NCOA1: variants seen among roughly 807,000 people sequenced by gnomAD.
NCOA1 encodes the protein Hin-2 protein.
In NCOA1, 35 loss-of-function variants were observed where a neutral mutation model predicts 150.9. The observed-to-expected ratio is 0.23, with a 90% CI of 0.18 to 0.31. The LOEUF (loss-of-function observed/expected upper bound fraction) is 0.31, where lower values mean the gene tolerates loss of function less well. Ranked by LOEUF, NCOA1 falls within the 10% of genes least tolerant of loss-of-function variation. NCOA1 has a pLI of 1.00. For synonymous variants in NCOA1, 590 were observed against 630.0 expected (o/e 0.94, Z 0.95); for missense variants, 1,491 against 1,749.3 (o/e 0.85, Z 2.63).
intron 1 of NCOA1, among the ~76,000 whole-genome samples, chr2:24,493,943 G>A (rs922607274): frequency 3.9e-5 from 6 of 152,192 alleles, no homozygotes; most frequent in African/African-American, 1.4e-4. Context: ...CTTTTGGTGG[G>A]CAGAAGATTG....
intron 6 of NCOA1, among the ~76,000 whole-genome samples, chr2:24,673,005 A>C (rs1341962280): frequency 6.6e-6 from 1 of 152,234 alleles, no homozygotes; most frequent in Non-Finnish European, 1.5e-5. Context: ...AAAAAGAAAG[A>C]GAAAACTTGA....
At chr2:24,663,068 T>C (rs1199532118) in intron 5 of NCOA1, among the ~76,000 whole-genome samples, 5 of 152,124 alleles carry the variant, frequency 3.3e-5, no homozygotes, top group Non-Finnish European at 1.5e-5. Context: ...GTTCTGGGAT[T>C]ACAGATGCGA....
At chr2:24,597,358 G>T (rs1354004431) in intron 3 of NCOA1, among the ~76,000 whole-genome samples, 1 of 152,150 alleles carries the variant, frequency 6.6e-6, no homozygotes. Flanking sequence ...TTTTTTAAAT[G>T]AATGAATCAA....
At chr2:24,735,529 T>A (rs535749658) in intron 17 of NCOA1, among the ~76,000 whole-genome samples, 45 of 151,920 alleles carry the variant, frequency 3.0e-4, no homozygotes, top group East Asian at 2.5e-3. Flanking sequence ...GTTGAAAAAA[T>A]ATATATATAT....
At chr2:24,684,614 T>A (rs893983072) in intron 8 of NCOA1, among the ~76,000 whole-genome samples, 2 of 152,250 alleles carry the variant, frequency 1.3e-5, no homozygotes, top group African/African-American at 4.8e-5. Flanking sequence ...TGAGCAGCCT[T>A]TCACAATAGG....
At chr2:24,566,531 G>A (rs1322370339) in intron 2 of NCOA1, among the ~76,000 whole-genome samples, 1 of 152,182 alleles carries the variant, frequency 6.6e-6, no homozygotes, top group Admixed American at 6.5e-5. Context: ...ATGCTGATTG[G>A]TTCATGAGTG....
At chr2:24,710,851 A>T in intron 13 of NCOA1, 80 bp from the exon 14 acceptor site, 1 of 1,368,606 alleles carries the variant, frequency 7.3e-7, no homozygotes. Context: ...CATAGAGTTT[A>T]AAGAAGCAGC....
At chr2:24,750,213 G>A (rs1022302947) in intron 19 of NCOA1, among the ~76,000 whole-genome samples, 12 of 152,140 alleles carry the variant, frequency 7.9e-5, no homozygotes, top group African/African-American at 2.9e-4. Flanking sequence ...ATTCAATGCA[G>A]AATTTCAGCA....
chr2:24,714,296 A>AT (rs1334991839), intron 14 of NCOA1, among the ~76,000 whole-genome samples: 1 of 152,232 alleles, frequency 6.6e-6, no homozygotes, highest in Non-Finnish European at 1.5e-5. Context: ...CATTATATTC[A>AT]TAATTTCCAA....
At chr2:24,569,863 C>G (rs1042439171) in intron 2 of NCOA1, among the ~76,000 whole-genome samples, 5 of 147,458 alleles carry the variant, frequency 3.4e-5, no homozygotes, top group African/African-American at 1.2e-4. Flanking sequence ...GAGTGATACT[C>G]CGTCTGAAAA....
chr2:24,605,947 C>T (rs1668343201), intron 3 of NCOA1, among the ~76,000 whole-genome samples: 1 of 152,122 alleles, frequency 6.6e-6, no homozygotes, highest in Admixed American at 6.5e-5. Context: ...ACTTGTACAG[C>T]GTTGTATAGA....
At chr2:24,705,039 G>T (rs202167359) in intron 11 of NCOA1, 47 bp from the exon 12 acceptor site, 15 of 1,588,116 alleles carry the variant, frequency 9.4e-6, no homozygotes, top group Middle Eastern at 1.7e-4. Context: ...TAAAGCCAGC[G>T]TATAAGTATC....
intron 1 of NCOA1, among the ~76,000 whole-genome samples, chr2:24,561,812 C>T (rs1401432996): frequency 6.6e-6 from 1 of 152,098 alleles, no homozygotes; most frequent in African/African-American, 2.4e-5. Context: ...ATTCTTATCA[C>T]AAATTAAAAC....
At chr2:24,724,290 T>G (rs757639687) in intron 14 of NCOA1, among the ~76,000 whole-genome samples, 4 of 152,210 alleles carry the variant, frequency 2.6e-5, no homozygotes, top group Non-Finnish European at 4.4e-5. Context: ...CTGTATTACA[T>G]GTATACTTAC....
intron 4 of NCOA1, among the ~76,000 whole-genome samples, chr2:24,650,387 AT>A (rs997457724): frequency 4.6e-5 from 7 of 152,222 alleles, no homozygotes; most frequent in Admixed American, 1.3e-4. Context: ...GGGGCCAGAC[AT>A]TGGACCTATT....
intron 5 of NCOA1, among the ~76,000 whole-genome samples, chr2:24,660,034 A>G (rs1045657418): frequency 2.6e-5 from 4 of 152,176 alleles, no homozygotes; most frequent in African/African-American, 4.8e-5. Flanking sequence ...TCCAGGCTCG[A>G]GAAAGAAAAG....
chr2:24,633,774 G>T (rs1382122022), intron 3 of NCOA1, among the ~76,000 whole-genome samples: 2 of 152,198 alleles, frequency 1.3e-5, no homozygotes, highest in Non-Finnish European at 2.9e-5. Context: ...TAAACAGTTT[G>T]CCAGATGGCA....
At chr2:24,529,381 G>C (rs532634025) in intron 1 of NCOA1, among the ~76,000 whole-genome samples, 1 of 152,200 alleles carries the variant, frequency 6.6e-6, no homozygotes, top group Non-Finnish European at 1.5e-5. Flanking sequence ...AGACTAGAGA[G>C]TAGCGACACA....
intron 1 of NCOA1, among the ~76,000 whole-genome samples, chr2:24,559,696 C>G (rs1292947561): frequency 1.3e-5 from 2 of 152,148 alleles, no homozygotes; most frequent in Non-Finnish European, 2.9e-5. Context: ...TCCTTCTTTT[C>G]CCCTAGCGGT....
Sources: gnomAD v4.1 joint callset for allele counts (sites outside exome capture counted in the v4.1 genomes callset) on GRCh38, gnomAD v4.1.1 for gene constraint, MANE v1.5 for transcripts, NCBI Gene and HGNC (gene_info 2026-07-23, HGNC 2026-07-21) for gene names.